METTL15: variants seen among roughly 807,000 people sequenced by gnomAD.
METTL15 encodes methyltransferase 15, mitochondrial 12S rRNA N4-cytidine, also known as 12S rRNA N(4)-cytidine methyltransferase METTL15.
Under a neutral mutation model 38.3 loss-of-function variants are expected in METTL15, and 34 were observed. That is an observed-to-expected ratio of 0.89 (90% CI 0.68 to 1.18). The LOEUF is 1.18. Among genes scored for constraint, METTL15 ranks in the 50% most tolerant of loss-of-function variants. The pLI is 0.00. For missense variants in METTL15, 438 were observed against 498.4 expected (o/e 0.88, Z 1.15); for synonymous variants, 162 against 170.9 (o/e 0.95, Z 0.41).
intron 4 of METTL15, among the ~76,000 whole-genome samples, chr11:28,241,939 A>G (rs999980171): frequency 5.3e-5 from 8 of 152,226 alleles, no homozygotes; most frequent in South Asian, 2.1e-4. Context: ...TCTAAGTGAA[A>G]TGGGAAATCA....
intron 4 of METTL15, among the ~76,000 whole-genome samples, chr11:28,238,889 T>C (rs1854155404): frequency 6.6e-6 from 1 of 152,326 alleles, no homozygotes; most frequent in East Asian, 1.9e-4. Context: ...TTTTCTTAGA[T>C]AAACACATAA....
intron 6 of METTL15, among the ~76,000 whole-genome samples, chr11:28,448,975 G>A (rs1414934676): frequency 6.6e-6 from 1 of 152,178 alleles, no homozygotes; most frequent in Non-Finnish European, 1.5e-5. Flanking sequence ...ACCTTCTGAA[G>A]TAAAATGCCT....
At chr11:28,174,688 G>C (rs191834077) in intron 3 of METTL15, among the ~76,000 whole-genome samples, 1 of 151,612 alleles carries the variant, frequency 6.6e-6, no homozygotes, top group South Asian at 2.1e-4. Flanking sequence ...GGTGGCAGGC[G>C]CCTGTAGTCC....
chr11:28,323,022 A>G (rs1370131909), intron 6 of METTL15, among the ~76,000 whole-genome samples: 1 of 152,184 alleles, frequency 6.6e-6, no homozygotes, highest in Non-Finnish European at 1.5e-5. Flanking sequence ...TTCGTTTCTT[A>G]TAAGTATATG....
chr11:28,451,129 T>C (rs184751203), intron 6 of METTL15, among the ~76,000 whole-genome samples: 7 of 152,168 alleles, frequency 4.6e-5, no homozygotes, highest in African/African-American at 1.7e-4. Flanking sequence ...AAAAGGAAAC[T>C]GCACTGGGAT....
At chr11:28,474,333 C>T (rs1458466513) in intron 6 of METTL15, among the ~76,000 whole-genome samples, 4 of 151,936 alleles carry the variant, frequency 2.6e-5, no homozygotes, top group African/African-American at 9.7e-5. Context: ...TTTAATTCTC[C>T]TTTCTTTAAT....
At chr11:28,219,690 G>A (rs1444599991) in intron 4 of METTL15, among the ~76,000 whole-genome samples, 1 of 151,736 alleles carries the variant, frequency 6.6e-6, no homozygotes, top group Non-Finnish European at 1.5e-5. Flanking sequence ...TTTCTCTTGT[G>A]GGCATTTAGT....
At chr11:28,294,949 C>G (rs1856676739) in intron 5 of METTL15, among the ~76,000 whole-genome samples, 1 of 152,056 alleles carries the variant, frequency 6.6e-6, no homozygotes. Flanking sequence ...TACATCCATA[C>G]TCGTCATAAT....
At position 28,341,597 on chromosome 11, in the gene METTL15, C is replaced by T. The variant is rs1250426453; in HGVS notation, c.*190-10493C>T. 2.0e-5 allele frequency among the ~76,000 whole-genome samples: 3 copies of T among 152,044 alleles called. No homozygotes were observed. The East Asian group carries it at 5.8e-4, about 29-fold the overall frequency. On this transcript the variant is annotated intron_variant and NMD_transcript_variant, in intron 3 of 7. Transcript: ENST00000532947. ...TTCTGAAAAATGAGGATGTTAACAC[C>T]TATTTTATAAGGTGGGTGTATTAAA...
At chr11:28,311,119 A>G (rs937490969) in intron 6 of METTL15, among the ~76,000 whole-genome samples, 15 of 152,008 alleles carry the variant, frequency 9.9e-5, no homozygotes, top group East Asian at 1.9e-4. Flanking sequence ...CCTCTTGGCA[A>G]TGTGGCATGG....
In METTL15 at chr11:28,160,059, G is replaced by A. The variant is rs564791674; in HGVS notation, c.270+46455G>A. Among the ~76,000 whole-genome samples the A allele has an allele frequency of 3.9e-5, 6 of 152,146 alleles. No homozygotes were observed. The East Asian group carries it at 1.2e-3, about 29-fold the overall frequency. ...CATAATCTCATCAGCTGCCAGCATGGCTAGAATAAAAGAGCAGGCAGAAAA... is the reference window on the plus strand; with the variant it reads ...CATAATCTCATCAGCTGCCAGCATGACTAGAATAAAAGAGCAGGCAGAAAA... On this transcript the variant is annotated intron_variant, in intron 3 of 6. Coordinates refer to ENST00000407364, the MANE Select transcript of METTL15 (RefSeq NM_001113528.2).
chr11:28,404,783 T>G (rs1850660654), intron 5 of METTL15, among the ~76,000 whole-genome samples: 1 of 152,082 alleles, frequency 6.6e-6, no homozygotes, highest in African/African-American at 2.4e-5. Flanking sequence ...CCCCTGATCC[T>G]TGGAGTGCAA....
At chr11:28,264,296 CA>C (rs1855324739) in intron 4 of METTL15, among the ~76,000 whole-genome samples, 1 of 152,072 alleles carries the variant, frequency 6.6e-6, no homozygotes, top group African/African-American at 2.4e-5. Context: ...TAGTACTTTA[CA>C]TTTGATAATC....
At chr11:28,235,329 C>T (rs60414834) in intron 4 of METTL15, among the ~76,000 whole-genome samples, 20 of 151,984 alleles carry the variant, frequency 1.3e-4, no homozygotes, top group Admixed American at 1.0e-3. Context: ...GTAGTTTTTT[C>T]CAATTCTGTG....
intron 5 of METTL15, among the ~76,000 whole-genome samples, chr11:28,378,177 G>A (rs2133382077): frequency 6.6e-6 from 1 of 152,284 alleles, no homozygotes; most frequent in South Asian, 2.1e-4. Context: ...GCTGTGGTGG[G>A]CTCCACCCAG....
At chr11:28,324,237 A>G (rs1193817147) in intron 6 of METTL15, among the ~76,000 whole-genome samples, 1 of 152,252 alleles carries the variant, frequency 6.6e-6, no homozygotes, top group Non-Finnish European at 1.5e-5. Flanking sequence ...AATCTTAACA[A>G]TATTGTGCAT....
intron 4 of METTL15, among the ~76,000 whole-genome samples, chr11:28,360,670 T>TA (rs1427112186): frequency 1.3e-5 from 2 of 152,032 alleles, no homozygotes; most frequent in African/African-American, 4.8e-5. Flanking sequence ...TCTTTTTTTT[T>TA]ATTATACTTC....
At chr11:28,298,711 T>C (rs1856819962) in intron 6 of METTL15, among the ~76,000 whole-genome samples, 2 of 152,242 alleles carry the variant, frequency 1.3e-5, no homozygotes, top group East Asian at 1.9e-4. Flanking sequence ...TCATATATGG[T>C]AAATAAAACC....
chr11:28,160,928 T>G (rs1277748969), intron 3 of METTL15, among the ~76,000 whole-genome samples: 2 of 152,028 alleles, frequency 1.3e-5, no homozygotes, highest in Admixed American at 6.6e-5. Context: ...TTTTTTATAA[T>G]AAATATTTTG....
Sources: allele counts gnomAD v4.1 joint callset (sites outside exome capture counted in the v4.1 genomes callset), GRCh38; gene constraint gnomAD v4.1.1; transcripts MANE v1.5; gene names NCBI Gene and HGNC (gene_info 2026-07-23, HGNC 2026-07-21).